Variants in ETF1 observed in about 807,000 individuals in gnomAD.
ETF1 encodes the protein eukaryotic translation termination factor 1.
In ETF1, 4 loss-of-function variants were observed where a neutral mutation model predicts 55.1. The ratio of observed to expected loss-of-function variants is 0.07; its 90% CI spans 0.04 to 0.17. ETF1 has a LOEUF of 0.17. Among genes scored for constraint, ETF1 ranks in the 10% least tolerant of loss-of-function variants. The pLI, the probability that ETF1 is intolerant of heterozygous loss-of-function variation, is 1.00. For missense variants in ETF1, 142 were observed against 523.6 expected, an observed-to-expected ratio of 0.27 and a Z score of 7.11; for synonymous variants, 157 against 182.3, an observed-to-expected ratio of 0.86 and a Z score of 1.12.
At chr5:138,537,961 C>T (rs538171389) in intron 2 of ETF1, among the ~76,000 whole-genome samples, 7 of 149,338 alleles carry the variant, frequency 4.7e-5, no homozygotes, top group East Asian at 1.9e-4. Context: ...GGCGCAATCT[C>T]GGCTCACCGC....
Position 138,542,896 on chromosome 5 carries a change from G to A in ETF1, c.23C>T (p.Ala8Val). The A allele has an allele frequency of 6.2e-7, 1 of 1,613,684 alleles. No homozygotes were observed. Residue 8 changes from alanine (A) to valine (V), a missense_variant, in exon 2 of 11, where the codon GCC (alanine) becomes GTC (valine). Ala to Val is a moderately conservative substitution (Grantham distance 64). This residue lies in a region of ETF1 where 13 missense variants were observed against 16.9 expected (regional missense o/e 0.77). Transcript: ENST00000360541. ...CTTCCAGATCTCCACGTTCCTGTCG[G>A]CAGCACTGGGGTCGTCCGCCATCTT... Reference protein sequence around the residue: MADDPSAADRNVEIWKIK... With the variant: MADDPSAVDRNVEIWKIK...
At chr5:138,516,385 C>CAT (rs1309794341) in intron 4 of ETF1, among the ~76,000 whole-genome samples, 2 of 152,010 alleles carry the variant, frequency 1.3e-5, no homozygotes, top group African/African-American at 2.4e-5. Context: ...CACACACACA[C>CAT]ACACACTTTG....
chr5:138,529,642 A>G (rs1055377545), intron 2 of ETF1: 1 of 985,454 alleles, frequency 1.0e-6, no homozygotes. Flanking sequence ...TTGGCTTATC[A>G]AAGCTTTCAT....
intron 3 of ETF1, among the ~76,000 whole-genome samples, chr5:138,518,094 C>A (rs1056716332): frequency 2.0e-5 from 3 of 150,160 alleles, no homozygotes; most frequent in Non-Finnish European, 4.4e-5. Flanking sequence ...CCCAGCTACT[C>A]GAGAGGCTGA....
intron 3 of ETF1, 143 bp from the exon 4 acceptor site, chr5:138,517,843 C>T (rs1309533643): frequency 7.8e-7 from 1 of 1,287,488 alleles, no homozygotes; most frequent in Non-Finnish European, 9.9e-7. Context: ...TGAAATCTCT[C>T]AGGCAGAACT....
chr5:138,512,722 T>C, intron 6 of ETF1, 42 bp downstream of exon 6: 1 of 1,527,780 alleles, frequency 6.5e-7, no homozygotes, highest in Non-Finnish European at 8.7e-7. Context: ...CACCTACTCC[T>C]ACCTAGGGTC....
At chr5:138,542,610 A>G in intron 2 of ETF1, 1 of 1,417,818 alleles carries the variant, frequency 7.1e-7, no homozygotes, top group Non-Finnish European at 9.2e-7. Context: ...GAGTGATCTA[A>G]ACCGGGGAGC....
intron 2 of ETF1, among the ~76,000 whole-genome samples, chr5:138,531,451 T>C (rs1765695460): frequency 6.6e-6 from 1 of 152,140 alleles, no homozygotes; most frequent in South Asian, 2.1e-4. Context: ...AATACAACCA[T>C]AATGAATTGT....
chr5:138,521,035 T>C (rs1447878480), intron 2 of ETF1, among the ~76,000 whole-genome samples: 1 of 152,096 alleles, frequency 6.6e-6, no homozygotes, highest in Non-Finnish European at 1.5e-5. Flanking sequence ...TACACACCAA[T>C]GTTCATAGCA....
At chr5:138,527,245 A>G (rs1177812558) in intron 2 of ETF1, among the ~76,000 whole-genome samples, 3 of 152,142 alleles carry the variant, frequency 2.0e-5, no homozygotes, top group African/African-American at 7.2e-5. Context: ...AAAAATCAGA[A>G]TTCTGTTTGG....
At chr5:138,540,806 A>G (rs1336522638) in intron 2 of ETF1, among the ~76,000 whole-genome samples, 4 of 152,228 alleles carry the variant, frequency 2.6e-5, no homozygotes, top group African/African-American at 7.2e-5. Flanking sequence ...TTGCTAAACA[A>G]AGAGGTAAAG....
At chr5:138,535,841 C>T (rs1162325533) in intron 2 of ETF1, among the ~76,000 whole-genome samples, 1 of 118,572 alleles carries the variant, frequency 8.4e-6, no homozygotes, top group Non-Finnish European at 1.6e-5. Flanking sequence ...CACCACTGCA[C>T]TCAAGCCTGG....
intron 8 of ETF1, 193 bp downstream of exon 8, chr5:138,510,852 A>G: frequency 1.2e-6 from 1 of 820,552 alleles, no homozygotes; most frequent in Non-Finnish European, 1.5e-6. Flanking sequence ...CAGCAGATGT[A>G]ACAATCTTAA....
chr5:138,543,148 CG>C lies in ETF1; in HGVS notation c.-71del. On this transcript the variant is annotated 5_prime_UTR_variant, in exon 1 of 11. It removes the in-frame stop codon of an upstream open reading frame in the 5' UTR. Transcript: ENST00000360541. ...GGCTGCTCCTCCCCGGCGGCGGCTC[CG>C]CGGCGGCGGCGGCTCTGACGTAGGA... 1 of 577,366 alleles carries C rather than the reference CG, an allele frequency of 1.7e-6. No individual in the cohort carries two copies. The highest frequency in any genetic ancestry group is 3.0e-5 in the East Asian group (1 of 33,274). 35.8% of individuals were successfully genotyped at this position (577,366 alleles called of 1,614,324 possible). A position where few individuals can be genotyped will look rare whatever the true frequency, so the allele number is the denominator to read the frequency against.
intron 2 of ETF1, among the ~76,000 whole-genome samples, chr5:138,522,463 C>CA (rs1765271291): frequency 6.6e-6 from 1 of 151,896 alleles, no homozygotes; most frequent in Admixed American, 6.6e-5. Flanking sequence ...AGTTTAAACA[C>CA]AGAGTTACCA....
intron 4 of ETF1, 125 bp from the exon 5 acceptor site, chr5:138,513,831 C>T: frequency 8.4e-7 from 1 of 1,191,392 alleles, no homozygotes; most frequent in Non-Finnish European, 1.1e-6. Context: ...GTGGGAAAAC[C>T]TTCTACGGAA....
chr5:138,524,778 A>G (rs929226846), intron 2 of ETF1, among the ~76,000 whole-genome samples: 1 of 151,910 alleles, frequency 6.6e-6, no homozygotes, highest in Middle Eastern at 3.4e-3. Flanking sequence ...GGGTTTCACC[A>G]TGTTGGCCAG....
At chr5:138,529,711 G>T (rs1041547341) in intron 2 of ETF1, 27 of 984,244 alleles carry the variant, frequency 2.7e-5, no homozygotes, top group Admixed American at 6.2e-5. Flanking sequence ...AAAAGGAATT[G>T]TAACAGAACT....
chr5:138,529,589 G>C, intron 2 of ETF1: 1 of 985,374 alleles, frequency 1.0e-6, no homozygotes, highest in Non-Finnish European at 1.2e-6. Flanking sequence ...AGGGGCCTCT[G>C]CACTCAGATT....
Sources: gnomAD v4.1 joint callset for allele counts (sites outside exome capture counted in the v4.1 genomes callset) on GRCh38, gnomAD v4.1.1 for gene constraint, gnomAD v4.1.1 regional missense constraint, MANE v1.5 for transcripts, NCBI Gene and HGNC (gene_info 2026-07-23, HGNC 2026-07-21) for gene names.